DOCK4: variants seen among roughly 807,000 people sequenced by gnomAD.
DOCK4 encodes dedicator of cytokinesis protein 4.
A neutral mutation model predicts 268.1 loss-of-function variants in DOCK4; 97 were observed. The observed-to-expected ratio is 0.36, with a 90% confidence interval of 0.31 to 0.43. The LOEUF is 0.43. Ranked by LOEUF, DOCK4 falls within the 20% of genes least tolerant of loss-of-function variation. DOCK4 has a pLI of 1.00. For synonymous variants in DOCK4, 954 were observed against 887.2 expected (o/e 1.08, Z -1.34); for missense variants, 2,145 against 2,455.7 (o/e 0.87, Z 2.67).
At chr7:112,162,907 T>C (rs769543097) in intron 1 of DOCK4, among the ~76,000 whole-genome samples, 1 of 152,210 alleles carries the variant, frequency 6.6e-6, no homozygotes, top group Non-Finnish European at 1.5e-5. Context: ...CACTTGACTT[T>C]CCAGTAAATA....
chr7:112,140,285 C>T (rs980705429), intron 1 of DOCK4, among the ~76,000 whole-genome samples: 4 of 152,080 alleles, frequency 2.6e-5, no homozygotes, highest in Non-Finnish European at 4.4e-5. Flanking sequence ...TGTCGGAGCC[C>T]CCAACCCCCA....
At position 111,769,617 on chromosome 7, in the gene DOCK4, C is replaced by T. The variant is rs1797990876; in HGVS notation, c.3740G>A (p.Arg1247Lys). 1 of 1,613,682 alleles carries T rather than the reference C, an allele frequency of 6.2e-7. No homozygotes were observed. The highest frequency in any genetic ancestry group is 1.3e-5 in the African/African-American group (1 of 74,888). ...ELLEWSDRPLREFLTYPMQTE... is the reference protein window; with the variant it reads ...ELLEWSDRPLKEFLTYPMQTE... Reference sequence around the variant, plus strand: ...TTGCATGGGGTAGGTCAGGAACTCCCTGAGGGGCCGATCAGACCATTCCAG... The same window carrying T: ...TTGCATGGGGTAGGTCAGGAACTCCTTGAGGGGCCGATCAGACCATTCCAG... The change falls in exon 37 of 53, where the codon AGG becomes AAG. Residue 1247 changes from arginine (R) to lysine (K), a missense_variant. Transcript: ENST00000428084.
intron 8 of DOCK4, among the ~76,000 whole-genome samples, chr7:111,956,821 T>C (rs564984430): frequency 6.6e-6 from 1 of 152,266 alleles, no homozygotes; most frequent in Admixed American, 6.5e-5. Context: ...TGCATGCCCT[T>C]AACCTTGGCA....
chr7:112,003,924 A>G (rs1352542903), intron 2 of DOCK4, 124 bp downstream of exon 2: 3 of 615,498 alleles, frequency 4.9e-6, no homozygotes, highest in Non-Finnish European at 7.9e-6. Flanking sequence ...GCAGGAAACA[A>G]TTTTGTCAAA....
At chr7:111,824,509 CA>C (rs1443227190) in intron 26 of DOCK4, among the ~76,000 whole-genome samples, 1 of 151,946 alleles carries the variant, frequency 6.6e-6, no homozygotes, top group East Asian at 1.9e-4. Context: ...CTTCTCGCCT[CA>C]AAAGTTGTAA....
chr7:111,829,646 A>T (rs1222514282), intron 26 of DOCK4, among the ~76,000 whole-genome samples: 3 of 152,208 alleles, frequency 2.0e-5, no homozygotes, highest in African/African-American at 7.2e-5. Flanking sequence ...TCAACAATTG[A>T]TATCTGTAAG....
chr7:112,130,881 TCA>T (rs1376208690), intron 1 of DOCK4, among the ~76,000 whole-genome samples: 2 of 152,228 alleles, frequency 1.3e-5, no homozygotes, highest in Non-Finnish European at 2.9e-5. Context: ...GGGCAGTAAT[TCA>T]CAGTCTCTGG....
intron 1 of DOCK4, among the ~76,000 whole-genome samples, chr7:112,008,096 T>A (rs1206898208): frequency 1.3e-5 from 2 of 152,166 alleles, no homozygotes; most frequent in Non-Finnish European, 2.9e-5. Flanking sequence ...AAATTGATCC[T>A]TAGTAGCTAC....
intron 1 of DOCK4, among the ~76,000 whole-genome samples, chr7:112,107,812 T>G (rs1811265710): frequency 2.0e-5 from 3 of 152,150 alleles, no homozygotes; most frequent in Admixed American, 1.3e-4. Context: ...ACATACAGCA[T>G]CTGGAAAGCA....
In DOCK4 at chr7:112,206,300, A is replaced by G; in HGVS notation, c.-162T>C. The G allele has an allele frequency of 1.4e-6, 1 of 736,296 alleles. No individual in the cohort carries two copies. Among genetic ancestry groups the G allele is most frequent in the Non-Finnish European group, 2.2e-6 (1 of 457,046 alleles). 45.6% of individuals were successfully genotyped at this position (736,296 alleles called of 1,614,324 possible). On this transcript the variant is annotated 5_prime_UTR_variant, in exon 1 of 53. Coordinates refer to ENST00000428084, the MANE Select transcript of DOCK4 (RefSeq NM_001363540.2). ...ATCTGCGCTGGAGGCTCCCGAGCCC[A>G]GCGTTGACACTGCGCCGCCCGCAGC...
At chr7:111,931,293 T>C (rs1048406377) in intron 12 of DOCK4, among the ~76,000 whole-genome samples, 2 of 152,224 alleles carry the variant, frequency 1.3e-5, no homozygotes, top group Admixed American at 6.5e-5. Context: ...GTTTCTTTCA[T>C]TCTTTGCAAA....
chr7:111,745,805 T>G (rs1398296956), intron 44 of DOCK4, among the ~76,000 whole-genome samples: 1 of 147,146 alleles, frequency 6.8e-6, no homozygotes, highest in East Asian at 2.1e-4. Context: ...AGGTTGAACA[T>G]CCCTAATACA....
intron 1 of DOCK4, among the ~76,000 whole-genome samples, chr7:112,155,180 A>G (rs1284090605): frequency 6.6e-6 from 1 of 152,210 alleles, no homozygotes; most frequent in Non-Finnish European, 1.5e-5. Flanking sequence ...TTAACCGTCA[A>G]AATGACCTGT....
intron 16 of DOCK4, among the ~76,000 whole-genome samples, chr7:111,886,428 G>C (rs1208234799): frequency 6.6e-6 from 1 of 152,162 alleles, no homozygotes; most frequent in Non-Finnish European, 1.5e-5. Context: ...GGCACTGCAT[G>C]TCTGATCTCC....
At chr7:112,068,356 A>G (rs1265890881) in intron 1 of DOCK4, among the ~76,000 whole-genome samples, 1 of 152,200 alleles carries the variant, frequency 6.6e-6, no homozygotes, top group Non-Finnish European at 1.5e-5. Flanking sequence ...TTTGGGTCAG[A>G]TAGGGAGGTA....
intron 12 of DOCK4, among the ~76,000 whole-genome samples, chr7:111,920,155 C>T (rs1792981403): frequency 6.6e-6 from 1 of 151,934 alleles, no homozygotes; most frequent in East Asian, 1.9e-4. Flanking sequence ...GAGAGTAAAC[C>T]GGGAGATTTT....
chr7:112,185,604 T>TA (rs879681920), intron 1 of DOCK4, among the ~76,000 whole-genome samples: 86 of 143,154 alleles, frequency 6.0e-4, no homozygotes, highest in South Asian at 1.1e-3. Context: ...CACCCTCAGT[T>TA]AAAAAAAAAA....
intron 36 of DOCK4, among the ~76,000 whole-genome samples, chr7:111,771,667 T>C (rs1164632202): frequency 1.3e-5 from 2 of 152,206 alleles, no homozygotes; most frequent in African/African-American, 4.8e-5. Context: ...TGATGTTTAA[T>C]TCCCCATGTA....
chr7:111,834,459 G>A, intron 26 of DOCK4, 129 bp downstream of exon 26: 1 of 720,124 alleles, frequency 1.4e-6, no homozygotes, highest in South Asian at 1.9e-5. Flanking sequence ...GGATGAGGCT[G>A]AGAAAAACAG....
Sources: allele counts gnomAD v4.1 joint callset (sites outside exome capture counted in the v4.1 genomes callset), GRCh38; gene constraint gnomAD v4.1.1; transcripts MANE v1.5; gene names NCBI Gene and HGNC (gene_info 2026-07-23, HGNC 2026-07-21).